The following C9orf85 variants were observed in gnomAD, a reference collection of about 807,000 sequenced individuals.
C9orf85 encodes the protein uncharacterized protein C9orf85.
Under a neutral mutation model 14.9 loss-of-function variants are expected in C9orf85, and 16 were observed. The ratio of observed to expected loss-of-function variants is 1.08; its 90% CI spans 0.73 to 1.63. The LOEUF (loss-of-function observed/expected upper bound fraction) is 1.63, where lower values mean the gene tolerates loss of function less well. Among genes scored for constraint, C9orf85 ranks in the 40% most tolerant of loss-of-function variants. The probability of loss-of-function intolerance (pLI) is 0.00; values close to 1 mark genes in which losing one functional copy is unlikely to be tolerated. For missense variants in C9orf85, 172 were observed against 186.1 expected (o/e 0.92, Z 0.44); for synonymous variants, 45 against 56.8 (o/e 0.79, Z 0.93).
At chr9:71,962,879 A>G (rs1822558951) in intron 2 of C9orf85, among the ~76,000 whole-genome samples, 1 of 152,140 alleles carries the variant, frequency 6.6e-6, no homozygotes, top group Non-Finnish European at 1.5e-5. Flanking sequence ...AACATGGTGA[A>G]ACCCTGTCTC....
chr9:71,911,640 T>C lies in C9orf85; in HGVS notation c.-95T>C. Reference sequence around the variant, plus strand: ...GGCTGCGTTTGTTTCTTCCGGGTCATTGACAGAAGCGTCAATTCCTGGGAG... The same window carrying C: ...GGCTGCGTTTGTTTCTTCCGGGTCACTGACAGAAGCGTCAATTCCTGGGAG... On this transcript the variant is annotated 5_prime_UTR_variant, in exon 1 of 4. Transcript: ENST00000334731. 1.8e-6 allele frequency: 2 copies of C among 1,101,188 alleles called. No individual in the cohort carries two copies. Among genetic ancestry groups the C allele is most frequent in the Non-Finnish European group, 2.8e-6 (2 of 717,586 alleles). 68.2% of individuals were successfully genotyped at this position (1,101,188 alleles called of 1,614,324 possible).
chr9:71,926,035 A>G (rs186003450), intron 1 of C9orf85, among the ~76,000 whole-genome samples: 119 of 152,314 alleles, frequency 7.8e-4, no homozygotes, highest in Admixed American at 2.7e-3. Flanking sequence ...TAACAAAGAA[A>G]CCCTTGTGCT....
chr9:71,937,148 ACCTATTTTAATTT>A (rs1157785046), intron 1 of C9orf85, among the ~76,000 whole-genome samples: 1 of 152,192 alleles, frequency 6.6e-6, no homozygotes, highest in African/African-American at 2.4e-5. Flanking sequence ...TACAATGCCA[ACCTATTTTAATTT>A]CCTTAAAAGT....
At position 71,911,665 on chromosome 9, in the gene C9orf85, G is replaced by C; in HGVS notation, c.-70G>C. The C allele has an allele frequency of 1.6e-6, 2 of 1,280,796 alleles. No homozygotes were observed. The highest frequency in any genetic ancestry group is 2.3e-5 in the East Asian group (1 of 43,420). The allele number at this position is 1,280,796 out of a possible 1,614,324, so 79.3% of individuals were successfully genotyped here. Reference sequence around the variant, plus strand: ...TTGACAGAAGCGTCAATTCCTGGGAGTAGTTCGTTGGTTTTCTTTCCCCTC... The same window carrying C: ...TTGACAGAAGCGTCAATTCCTGGGACTAGTTCGTTGGTTTTCTTTCCCCTC... On this transcript the variant is annotated 5_prime_UTR_variant, in exon 1 of 4. Coordinates refer to ENST00000334731, the MANE Select transcript of C9orf85 (RefSeq NM_182505.5).
downstream of C9orf85, among the ~76,000 whole-genome samples, chr9:71,977,229 A>T (rs1823020564): frequency 7.0e-6 from 1 of 143,514 alleles, no homozygotes; most frequent in Admixed American, 7.1e-5. Context: ...AAAAAAAAAA[A>T]AGTTAATTAC....
rs551469951 is a variant in C9orf85, at chr9:71,929,894, C to T, written c.103-17112C>T. Among the ~76,000 whole-genome samples the T allele has an allele frequency of 3.4e-5, 5 of 148,516 alleles. No individual in the cohort carries two copies. The East Asian group carries it at 7.9e-4, about 23-fold the overall frequency. On this transcript the variant is annotated intron_variant, in intron 1 of 3. Coordinates refer to ENST00000334731, the MANE Select transcript of C9orf85 (RefSeq NM_182505.5). ...AGATATCTTTTTATGGATTCTGCCT[C>T]TGCTGCTTCTGATTAATTTTGTGAC...
intron 1 of C9orf85, among the ~76,000 whole-genome samples, chr9:71,925,973 C>T (rs557253194): frequency 2.0e-5 from 3 of 152,182 alleles, no homozygotes; most frequent in South Asian, 2.1e-4. Context: ...GGGGAAATGC[C>T]ATGAAAGAGA....
downstream of C9orf85, chr9:71,985,360 T>C (rs1338702084): frequency 6.6e-6 from 1 of 152,242 alleles, no homozygotes; most frequent in East Asian, 1.9e-4. Flanking sequence ...CCTGCAGTTT[T>C]TTTCTTGCGT....
chr9:71,963,882 G>A (rs1388201254), intron 2 of C9orf85, among the ~76,000 whole-genome samples: 6 of 152,154 alleles, frequency 3.9e-5, no homozygotes, highest in Non-Finnish European at 5.9e-5. Flanking sequence ...CCTGCTCCAC[G>A]GAGCCCAGTC....
At chr9:71,918,551 T>G (rs780973508) in intron 1 of C9orf85, 41 of 638,420 alleles carry the variant, frequency 6.4e-5, no homozygotes, top group Non-Finnish European at 9.4e-5. Context: ...GGAGTTGAAC[T>G]GCAGGTGAGT....
At chr9:71,934,787 T>C (rs1828150493) in intron 1 of C9orf85, among the ~76,000 whole-genome samples, 2 of 152,064 alleles carry the variant, frequency 1.3e-5, no homozygotes, top group Admixed American at 6.5e-5. Flanking sequence ...GGAGGATTGC[T>C]TGAGCCTGGG....
intron 2 of C9orf85, among the ~76,000 whole-genome samples, chr9:71,964,671 C>A (rs1822638884): frequency 6.6e-6 from 1 of 152,262 alleles, no homozygotes; most frequent in African/African-American, 2.4e-5. Flanking sequence ...GTAACACTCA[C>A]CGCGAGGGTC....
intron 1 of C9orf85, among the ~76,000 whole-genome samples, chr9:71,943,430 C>G (rs889024981): frequency 6.6e-5 from 10 of 152,168 alleles, no homozygotes; most frequent in African/African-American, 2.2e-4. Context: ...TTAAATGATA[C>G]TTTATAAAAT....
At chr9:71,954,866 T>G (rs1322108844) in intron 2 of C9orf85, among the ~76,000 whole-genome samples, 1 of 152,182 alleles carries the variant, frequency 6.6e-6, no homozygotes, top group East Asian at 1.9e-4. Flanking sequence ...ATGGAGTTGC[T>G]CTGGTTCACA....
intron 3 of C9orf85, among the ~76,000 whole-genome samples, chr9:71,980,542 A>T (rs752009004): frequency 1.3e-5 from 2 of 152,054 alleles, no homozygotes; most frequent in African/African-American, 2.4e-5. Context: ...CATAAGATAA[A>T]ATGATTTTTA....
At chr9:71,972,455 T>C (rs773194623) in intron 3 of C9orf85, among the ~76,000 whole-genome samples, 1 of 152,154 alleles carries the variant, frequency 6.6e-6, no homozygotes, top group Non-Finnish European at 1.5e-5. Context: ...GACGGGGTTT[T>C]GCCACGTTGG....
At chr9:71,971,364 T>G (rs1822857099) in intron 2 of C9orf85, 141 bp from the exon 3 acceptor site, 1 of 451,896 alleles carries the variant, frequency 2.2e-6, no homozygotes, top group Non-Finnish European at 3.8e-6. Context: ...TAATTTAGAG[T>G]GACATAAGAT....
intron 3 of C9orf85, among the ~76,000 whole-genome samples, chr9:71,980,533 A>G (rs1823081079): frequency 6.6e-6 from 1 of 152,164 alleles, no homozygotes. Context: ...GTCAGGAAAC[A>G]TAAGATAAAA....
At position 71,972,740 on chromosome 9, in the gene C9orf85, T is replaced by G; in HGVS notation, c.372T>G (p.Ser124Arg). 3 of 1,606,690 alleles carry G rather than the reference T, an allele frequency of 1.9e-6. No homozygotes were observed. Among genetic ancestry groups the G allele is most frequent in the Non-Finnish European group, 2.6e-6 (3 of 1,173,926 alleles). The change falls in exon 4 of 4, where the codon AGT (serine) becomes AGG (arginine). Residue 124 changes from serine (S) to arginine (R), a missense_variant. By Grantham distance (110) the Ser-to-Arg change is moderately radical. Transcript: ENST00000334731. ...EKIEHTENNL[S>R]SNHRRSCRRN... is the part of the protein sequence containing the mutation. The stretch of plus-strand genomic sequence containing the variant: ...TAGAACATACTGAAAATAATCTAAG[T>G]TCCAACCATAGAAGAAGCTGCAGAA...
Sources: gnomAD v4.1 joint callset for allele counts (sites outside exome capture counted in the v4.1 genomes callset) on GRCh38, gnomAD v4.1.1 for gene constraint, MANE v1.5 for transcripts, NCBI Gene and HGNC (gene_info 2026-07-23, HGNC 2026-07-21) for gene names.